SLITRK1: variants seen among roughly 807,000 people sequenced by gnomAD.
SLITRK1 encodes SLIT and NTRK-like protein 1.
Under a neutral mutation model 42.4 loss-of-function variants are expected in SLITRK1, and 10 were observed. The ratio of observed to expected loss-of-function variants is 0.24; its 90% CI spans 0.15 to 0.40. The LOEUF (loss-of-function observed/expected upper bound fraction) is 0.40, where lower values mean the gene tolerates loss of function less well. Ranked by LOEUF, SLITRK1 falls within the 10% of genes least tolerant of loss-of-function variation. The pLI is 1.00. For synonymous variants in SLITRK1, 389 were observed against 365.7 expected (o/e 1.06, Z -0.73); for missense variants, 778 against 848.8 (o/e 0.92, Z 1.04).
In SLITRK1 at chr13:83,880,496, T is replaced by G; in HGVS notation, c.1012A>C (p.Ser338Arg). 5 of 1,614,064 alleles carry G rather than the reference T, an allele frequency of 3.1e-6. No homozygotes were observed. Among genetic ancestry groups the G allele is most frequent in the Non-Finnish European group, 3.4e-6 (4 of 1,180,018 alleles). ...GSSRNKPLANSLPCPGGCSCD... is the reference protein window; with the variant it reads ...GSSRNKPLANRLPCPGGCSCD... Reference sequence around the variant, plus strand: ...CTGCAGCCCCCAGGGCAGGGTAAACTGTTAGCTAAGGGTTTGTTCCTGGAG... The same window carrying G: ...CTGCAGCCCCCAGGGCAGGGTAAACGGTTAGCTAAGGGTTTGTTCCTGGAG... The change falls in exon 2 of 2, where the codon AGT (serine) becomes CGT (arginine). Residue 338 changes from serine (S) to arginine (R), a missense_variant. Around this residue, in one of 4 missense-constraint regions of SLITRK1, gnomAD observed 395 missense variants for 360.4 expected, o/e 1.10. Coordinates refer to ENST00000674365, the MANE Select transcript of SLITRK1 (RefSeq NM_001281503.2).
chr13:83,881,751 G>GAAAA lies in SLITRK1; in HGVS notation c.-53-195_-53-192dup, dbSNP rs771177138. On this transcript the variant is annotated intron_variant, in intron 1 of 1. Transcript: ENST00000674365. The stretch of plus-strand genomic sequence containing the variant: ...AGGCACGTAGTGCAAGGCAAGCAAA[G>GAAAA]AAAAAAAAAAAAAAAAAAAAGTAGG... The GAAAA allele has an allele frequency of 4.5e-3, 473 of 105,972 alleles. 2 individuals carry two copies. The highest frequency in any genetic ancestry group is 7.6e-3 in the East Asian group (27 of 3,572). The allele number at this position is 105,972 out of a possible 1,614,324, so 6.6% of individuals were successfully genotyped here. A position where few individuals can be genotyped will look rare whatever the true frequency, so the allele number is the denominator to read the frequency against.
rs1250130733 is a variant in SLITRK1 at position 83,879,699 on chromosome 13, C to T, written c.1809G>A (p.Gly603=). 1 of 1,613,894 alleles carries T rather than the reference C, an allele frequency of 6.2e-7. No homozygotes were observed. The highest frequency in any genetic ancestry group is 2.2e-5 in the East Asian group (1 of 44,842). ...TGTCTAGGTAGGAGTTGGAGTGCGT[C>T]CCGGTCTCCGCCAACCCAGTGCTGT... ...SKNSTGLAET[G]THSNSYLDTS... is the part of the protein sequence containing the mutation. Residue 603 remains glycine (G), a synonymous_variant, in exon 2 of 2, where the codon GGG becomes GGA. Coordinates refer to ENST00000674365, the MANE Select transcript of SLITRK1 (RefSeq NM_001281503.2).
In SLITRK1 at chr13:83,880,936, G is replaced by C. The variant is rs778746061; in HGVS notation, c.572C>G (p.Thr191Arg). Residue 191 changes from threonine (T) to arginine (R), a missense_variant, in exon 2 of 2, where the codon ACG (threonine) becomes AGG (arginine). This residue lies in a region of SLITRK1 where 204 missense variants were observed against 295.3 expected (regional missense o/e 0.69). Coordinates refer to ENST00000674365, the MANE Select transcript of SLITRK1 (RefSeq NM_001281503.2). Reference protein sequence around the residue: ...HLDLRGNRLKTLPYEEVLEQI... With the variant: ...HLDLRGNRLKRLPYEEVLEQI... The stretch of plus-strand genomic sequence containing the variant: ...CTCCAAGACCTCCTCATAGGGCAGC[G>C]TTTTCAGCCTGTTACCCCGGAGGTC... The C allele has an allele frequency of 6.2e-7, 1 of 1,613,928 alleles. No homozygotes were observed. Among genetic ancestry groups the C allele is most frequent in the African/African-American group, 1.3e-5 (1 of 74,862 alleles).
In SLITRK1 at chr13:83,880,438, A is replaced by G; in HGVS notation, c.1070T>C (p.Met357Thr). ...GCTCACGTTCCTGTTGTTGCAGTTC[A>G]TCTTTAAACCCGACCCTGGGATGTG... ...CDHIPGSGLK[M>T]NCNNRNVSSL... The change falls in exon 2 of 2, where the codon ATG (methionine) becomes ACG (threonine). Residue 357 changes from methionine to threonine, a missense_variant. By Grantham distance (81) the Met-to-Thr change is moderately conservative (BLOSUM62 -1). Around this residue, in one of 4 missense-constraint regions of SLITRK1, gnomAD observed 395 missense variants for 360.4 expected, o/e 1.10. Transcript: ENST00000674365. The G allele has an allele frequency of 6.2e-7, 1 of 1,613,954 alleles. No homozygotes were observed. The highest frequency in any genetic ancestry group is 8.5e-7 in the Non-Finnish European group (1 of 1,180,008).
rs1884753948 is a variant in SLITRK1 at position 83,879,277 on chromosome 13, C to A, written c.*140G>T. 1.6e-5 allele frequency: 17 copies of A among 1,032,634 alleles called. No homozygotes were observed. Among genetic ancestry groups the A allele is most frequent in the Middle Eastern group, 3.0e-4 (1 of 3,310 alleles). The allele number at this position is 1,032,634 out of a possible 1,614,324, so 64.0% of individuals were successfully genotyped here. A position where few individuals can be genotyped will look rare whatever the true frequency, so the allele number is the denominator to read the frequency against. ...GGTCAGGCCCTTTCGGTTGTGCGAG[C>A]TCACAGTTATTTATCTACTTATGCC... is the stretch of plus-strand genomic sequence containing the variant. On this transcript the variant is annotated 3_prime_UTR_variant, in exon 2 of 2. Transcript: ENST00000674365.
At position 83,878,974 on chromosome 13, in the gene SLITRK1, A is replaced by C. The variant is rs776825523; in HGVS notation, c.*443T>G. 1.1e-5 allele frequency: 2 copies of C among 174,262 alleles called. No individual in the cohort carries two copies. Among genetic ancestry groups the C allele is most frequent in the Non-Finnish European group, 2.5e-5 (2 of 80,850 alleles). 10.8% of individuals were successfully genotyped at this position (174,262 alleles called of 1,614,324 possible). A position where few individuals can be genotyped will look rare whatever the true frequency, so the allele number is the denominator to read the frequency against. On this transcript the variant is annotated 3_prime_UTR_variant, in exon 2 of 2. Coordinates refer to ENST00000674365, the MANE Select transcript of SLITRK1 (RefSeq NM_001281503.2). ...CATTCATGCCTTCGTGCAACTGCCCATCCCTGCGTAGCCAACAGGGAGCCA... is the reference window on the plus strand; with the variant it reads ...CATTCATGCCTTCGTGCAACTGCCCCTCCCTGCGTAGCCAACAGGGAGCCA...
rs1884751152 is a variant in SLITRK1, at chr13:83,879,186, G to C, written c.*231C>G. On this transcript the variant is annotated 3_prime_UTR_variant, in exon 2 of 2. Coordinates refer to ENST00000674365, the MANE Select transcript of SLITRK1 (RefSeq NM_001281503.2). The stretch of plus-strand genomic sequence containing the variant: ...TCAAAAGGGGCTCTCAGCAAAGAGC[G>C]AGCTGGCTGCGCTCTCCCAGCTCTC... The C allele has an allele frequency of 3.5e-6, 2 of 566,884 alleles. No individual in the cohort carries two copies. The highest frequency in any genetic ancestry group is 1.9e-5 in the African/African-American group (1 of 53,284). The allele number at this position is 566,884 out of a possible 1,614,324, so 35.1% of individuals were successfully genotyped here.
chr13:83,881,873 C>G, intron 1 of SLITRK1, 131 bp downstream of exon 1: 1 of 227,646 alleles, frequency 4.4e-6, no homozygotes. Context: ...AGAATCTCAT[C>G]TACTGATCTT....
At position 83,881,380 on chromosome 13, in the gene SLITRK1, T is replaced by C. The variant is rs2137218410; in HGVS notation, c.128A>G (p.Glu43Gly). Residue 43 changes from glutamate to glycine, a missense_variant, in exon 2 of 2, where the codon GAA (glutamate) becomes GGA (glycine). Coordinates refer to ENST00000674365, the MANE Select transcript of SLITRK1 (RefSeq NM_001281503.2). The stretch of plus-strand genomic sequence containing the variant: ...CTGCAGACTTGTGAAGCCCTTTTTT[T>C]CACAGTCTACGTGTAGGTCCCCTTC... ...EIEGDLHVDC[E>G]KKGFTSLQRF... The C allele has an allele frequency of 6.2e-7, 1 of 1,614,120 alleles. No homozygotes were observed. The highest frequency in any genetic ancestry group is 1.1e-5 in the South Asian group (1 of 91,088).
chr13:83,880,506 G>A lies in SLITRK1; in HGVS notation c.1002C>T (p.Pro334=). The stretch of plus-strand genomic sequence containing the variant: ...CAGGGCAGGGTAAACTGTTAGCTAA[G>A]GGTTTGTTCCTGGAGCTACCCGTCG... ...AIATGSSRNK[P]LANSLPCPGG... Residue 334 remains proline, a synonymous_variant, in exon 2 of 2, where the codon CCC becomes CCT. Transcript: ENST00000674365. 6.2e-7 allele frequency: 1 copy of A among 1,614,106 alleles called. No homozygotes were observed. Among genetic ancestry groups the A allele is most frequent in the South Asian group, 1.1e-5 (1 of 91,072 alleles).
chr13:83,879,904 C>A lies in SLITRK1; in HGVS notation c.1604G>T (p.Cys535Phe). The A allele has an allele frequency of 6.2e-7, 1 of 1,614,096 alleles. No homozygotes were observed. The change falls in exon 2 of 2, where the codon TGC becomes TTC. Residue 535 changes from cysteine (C) to phenylalanine (F), a missense_variant. Transcript: ENST00000674365. ...DLHGNPWECSCTIVPFKQWAE... is the reference protein window; with the variant it reads ...DLHGNPWECSFTIVPFKQWAE... ...CCACTGCTTGAAAGGCACAATTGTGCAGGAGCACTCCCAGGGGTTTCCGTG... is the reference window on the plus strand; with the variant it reads ...CCACTGCTTGAAAGGCACAATTGTGAAGGAGCACTCCCAGGGGTTTCCGTG...
chr13:83,881,665 C>T (rs1490284276), intron 1 of SLITRK1, 105 bp from the exon 2 acceptor site: 1 of 798,854 alleles, frequency 1.3e-6, no homozygotes, highest in East Asian at 3.0e-5. Flanking sequence ...TCCTTCCTCC[C>T]TAACCCCCCC....
At chr13:83,881,693 A>G (rs529579773) in intron 1 of SLITRK1, 133 bp from the exon 2 acceptor site, 1 of 561,178 alleles carries the variant, frequency 1.8e-6, no homozygotes, top group East Asian at 3.6e-5. Context: ...AATAGCCCAG[A>G]CGCCAGTCAA....
chr13:83,878,207 C>T lies in SLITRK1; in HGVS notation c.*1210G>A, dbSNP rs1484997806. On this transcript the variant is annotated 3_prime_UTR_variant, in exon 2 of 2. Coordinates refer to ENST00000674365, the MANE Select transcript of SLITRK1 (RefSeq NM_001281503.2). ...CACCGCAAATCCAATTTACCACTTG[C>T]AAATATGAAGCTGGAAAAAGGTAAG... is the stretch of plus-strand genomic sequence containing the variant. 6.6e-6 allele frequency: 1 copy of T among 152,524 alleles called. No individual in the cohort carries two copies. Among genetic ancestry groups the T allele is most frequent in the Non-Finnish European group, 1.5e-5 (1 of 68,062 alleles). 9.4% of individuals were successfully genotyped at this position (152,524 alleles called of 1,614,324 possible).
Position 83,879,254 on chromosome 13 carries a change from T to C in SLITRK1, c.*163A>G. Reference sequence around the variant, plus strand: ...TTCAAGGAGGGAGCTAAGTAAGGGGTCAGGCCCTTTCGGTTGTGCGAGCTC... The same window carrying C: ...TTCAAGGAGGGAGCTAAGTAAGGGGCCAGGCCCTTTCGGTTGTGCGAGCTC... On this transcript the variant is annotated 3_prime_UTR_variant, in exon 2 of 2. Coordinates refer to ENST00000674365, the MANE Select transcript of SLITRK1 (RefSeq NM_001281503.2). The C allele has an allele frequency of 1.2e-6, 1 of 818,320 alleles. No homozygotes were observed. The highest frequency in any genetic ancestry group is 2.0e-6 in the Non-Finnish European group (1 of 509,156). 50.7% of individuals were successfully genotyped at this position (818,320 alleles called of 1,614,324 possible).
rs1884801646 is a variant in SLITRK1, at chr13:83,880,968, G to C, written c.540C>G (p.Thr180=). ...PANVFQYVPI[T]HLDLRGNRLK... is the part of the protein sequence containing the mutation. ...GCCTGTTACCCCGGAGGTCGAGGTG[G>C]GTGATGGGCACATACTGGAACACGT... is the stretch of plus-strand genomic sequence containing the variant. Residue 180 remains threonine (T), a synonymous_variant, in exon 2 of 2, where the codon ACC becomes ACG. Transcript: ENST00000674365. The C allele has an allele frequency of 6.2e-7, 1 of 1,613,960 alleles. No individual in the cohort carries two copies.
At position 83,879,549 on chromosome 13, in the gene SLITRK1, A is replaced by C. The variant is rs766815083; in HGVS notation, c.1959T>G (p.Asp653Glu). 2 of 1,614,028 alleles carry C rather than the reference A, an allele frequency of 1.2e-6. No homozygotes were observed. Among genetic ancestry groups the C allele is most frequent in the Non-Finnish European group, 1.7e-6 (2 of 1,179,996 alleles). Residue 653 changes from aspartate (D) to glutamate (E), a missense_variant, in exon 2 of 2, where the codon GAT (aspartate) becomes GAG (glutamate). Physicochemically the swap from Asp to Glu is conservative, Grantham distance 45. Coordinates refer to ENST00000674365, the MANE Select transcript of SLITRK1 (RefSeq NM_001281503.2). ...LRNRKRSKRR[D>E]ANSSASEINS... is the part of the protein sequence containing the mutation. ...TAATCTCGGACGCGGAGGAGTTGGC[A>C]TCTCGTCTCTTGGACCGCTTTCGGT...
Position 83,882,382 on chromosome 13 carries a change from G to A in SLITRK1, c.-432C>T, listed in dbSNP as rs975997842. 1 of 139,560 alleles carries A rather than the reference G, an allele frequency of 7.2e-6. No individual in the cohort carries two copies. The highest frequency in any genetic ancestry group is 2.6e-5 in the African/African-American group (1 of 37,920). The allele number at this position is 139,560 out of a possible 1,614,324, so 8.6% of individuals were successfully genotyped here. ...GCGGGGGGCGAGTTGTCTGAGGGAG[G>A]AAGAGAGCGCGAGAATGAGGGGAGG... On this transcript the variant is annotated 5_prime_UTR_variant, in exon 1 of 2. Coordinates refer to ENST00000674365, the MANE Select transcript of SLITRK1 (RefSeq NM_001281503.2).
rs771177138 is a variant in SLITRK1, at chr13:83,881,751, G to GAA, written c.-53-193_-53-192dup. The GAA allele has an allele frequency of 8.1e-3, 859 of 106,678 alleles. 13 individuals are homozygous for GAA. Among genetic ancestry groups the GAA allele is most frequent in the African/African-American group, 0.021 (496 of 23,692 alleles). 6.6% of individuals were successfully genotyped at this position (106,678 alleles called of 1,614,324 possible). ...AGGCACGTAGTGCAAGGCAAGCAAA[G>GAA]AAAAAAAAAAAAAAAAAAAAGTAGG... is the stretch of plus-strand genomic sequence containing the variant. On this transcript the variant is annotated intron_variant, in intron 1 of 1. Coordinates refer to ENST00000674365, the MANE Select transcript of SLITRK1 (RefSeq NM_001281503.2).
Sources: allele counts gnomAD v4.1 joint callset, GRCh38; gene constraint gnomAD v4.1.1; regional missense constraint gnomAD v4.1.1; transcripts MANE v1.5; gene names NCBI Gene and HGNC (gene_info 2026-07-23, HGNC 2026-07-21).